The following ZFP82 variants were observed in gnomAD, a reference collection of about 807,000 sequenced individuals.
ZFP82 encodes the protein zinc finger protein 82 homolog.
ZFP82 carries 30 observed loss-of-function variants against 54.0 expected under a neutral mutation model. That is an observed-to-expected ratio of 0.56 (90% CI 0.42 to 0.75). The LOEUF is 0.75. ZFP82 is among the 30% of genes least tolerant of loss of function. The probability of loss-of-function intolerance (pLI) is 0.00; values close to 1 mark genes in which losing one functional copy is unlikely to be tolerated. For missense variants in ZFP82, 500 were observed against 636.8 expected (o/e 0.79, Z 2.31); for synonymous variants, 194 against 209.5 (o/e 0.93, Z 0.64).
At chr19:36,409,721 TA>T (rs1342245097) in intron 2 of ZFP82, 59 bp downstream of exon 2, 4 of 1,587,314 alleles carry the variant, frequency 2.5e-6, no homozygotes, top group Non-Finnish European at 2.6e-6. Context: ...AGTTTCAGAA[TA>T]AAAAAATGGT....
chr19:36,402,738 G>T (rs2032409483), intron 4 of ZFP82, among the ~76,000 whole-genome samples: 1 of 152,156 alleles, frequency 6.6e-6, no homozygotes, highest in African/African-American at 2.4e-5. Context: ...GCTCACGCCT[G>T]TAATTCCAGT....
exon 2 of ZFP82, chr19:36,383,589 A>T (rs928330730): frequency 5.7e-5 from 6 of 104,812 alleles, no homozygotes; most frequent in African/African-American, 2.4e-4. Flanking sequence ...ACAATAATTT[A>T]AAAAATAATC....
downstream of ZFP82, among the ~76,000 whole-genome samples, chr19:36,387,433 GTTCT>G (rs1051691920): frequency 2.0e-5 from 3 of 152,164 alleles, no homozygotes; most frequent in African/African-American, 4.8e-5. Context: ...ACAGGAGTGG[GTTCT>G]TTATCAAAAG....
Position 36,409,859 on chromosome 19 carries a change from G to A in ZFP82, c.-70C>T. 8 of 1,561,926 alleles carry A rather than the reference G, an allele frequency of 5.1e-6. No individual in the cohort carries two copies. Among genetic ancestry groups the A allele is most frequent in the Non-Finnish European group, 7.1e-6 (8 of 1,133,560 alleles). On this transcript the variant is annotated 5_prime_UTR_variant, in exon 2 of 5. Coordinates refer to ENST00000392161, the MANE Select transcript of ZFP82 (RefSeq NM_133466.4). ...TGCCAGGAGAAGCACCGAGTCCACA[G>A]AGGCTGATCTAGGGAGAGGAAAACA...
intron 4 of ZFP82, among the ~76,000 whole-genome samples, chr19:36,401,152 G>A (rs966586330): frequency 1.3e-5 from 2 of 150,774 alleles, no homozygotes; most frequent in African/African-American, 4.9e-5. Flanking sequence ...ACAGGGTGGA[G>A]TGACCCATGA....
chr19:36,412,749 T>C (rs986572986), intron 1 of ZFP82, among the ~76,000 whole-genome samples: 1 of 152,186 alleles, frequency 6.6e-6, no homozygotes, highest in Non-Finnish European at 1.5e-5. Flanking sequence ...ATAAAATCCA[T>C]TACCCCACAG....
At chr19:36,408,753 G>A (rs1049092917) in intron 2 of ZFP82, among the ~76,000 whole-genome samples, 5 of 151,966 alleles carry the variant, frequency 3.3e-5, no homozygotes, top group Admixed American at 2.6e-4. Flanking sequence ...AGGAGCAGAG[G>A]TTGTGGTGAG....
chr19:36,414,675 T>C lies in ZFP82; in HGVS notation c.-79+3817A>G, dbSNP rs1047871171. Among the ~76,000 whole-genome samples, 3 of 152,024 alleles carry C rather than the reference T, an allele frequency of 2.0e-5. No individual in the cohort carries two copies. In the East Asian group the frequency reaches 5.8e-4, roughly 29 times the overall value. ...CCGCACCTGGCCTATGTAATTCTTC[T>C]TAATAATGTTATCAAAAAAGGATTC... On this transcript the variant is annotated intron_variant, in intron 1 of 4. Transcript: ENST00000392161.
downstream of ZFP82, among the ~76,000 whole-genome samples, chr19:36,387,689 C>T (rs796521303): frequency 2.0e-4 from 31 of 152,348 alleles, no homozygotes; most frequent in East Asian, 5.2e-3. Context: ...GCAATCTCAG[C>T]TCACTGCAAC....
chr19:36,393,558 T>C lies in ZFP82; in HGVS notation c.782A>G (p.Lys261Arg). 1 of 1,614,174 alleles carries C rather than the reference T, an allele frequency of 6.2e-7. No individual in the cohort carries two copies. Among genetic ancestry groups the C allele is most frequent in the Non-Finnish European group, 8.5e-7 (1 of 1,180,026 alleles). ...AAGTTGTCCTCGTACCCTAAAAGCC[T>C]TCCCACATTCTTTACATTCATAGGG... ...EKPYECKECG[K>R]AFRVRGQLTL... Residue 261 changes from lysine to arginine, a missense_variant, in exon 5 of 5, where the codon AAG becomes AGG. Transcript: ENST00000392161.
At chr19:36,411,118 A>G (rs896442835) in intron 1 of ZFP82, among the ~76,000 whole-genome samples, 10 of 151,242 alleles carry the variant, frequency 6.6e-5, no homozygotes, top group African/African-American at 1.9e-4. Context: ...GCTTGGACCT[A>G]GGGGGGCGGA....
intron 1 of ZFP82, among the ~76,000 whole-genome samples, chr19:36,412,559 C>G (rs2032599080): frequency 6.6e-6 from 1 of 152,198 alleles, no homozygotes; most frequent in African/African-American, 2.4e-5. Flanking sequence ...GGCTAAACAT[C>G]TTCAATTAAT....
At chr19:36,388,241 A>G (rs1006988124), downstream of ZFP82, among the ~76,000 whole-genome samples, 3 of 152,182 alleles carry the variant, frequency 2.0e-5, no homozygotes, top group Admixed American at 1.3e-4. Flanking sequence ...TTTTTTGCGA[A>G]TGTTTGCATA....
intron 1 of ZFP82, among the ~76,000 whole-genome samples, chr19:36,410,302 T>C (rs1038156828): frequency 6.6e-6 from 1 of 152,196 alleles, no homozygotes; most frequent in South Asian, 2.1e-4. Flanking sequence ...CATTGTTTTC[T>C]GGAATGAATT....
chr19:36,416,819 T>A (rs1392911605), intron 1 of ZFP82, among the ~76,000 whole-genome samples: 2 of 150,250 alleles, frequency 1.3e-5, no homozygotes, highest in African/African-American at 4.9e-5. Flanking sequence ...ATGCCTGTCA[T>A]TCCAGCACTT....
chr19:36,409,716 C>T (rs2032544227), intron 2 of ZFP82, 65 bp downstream of exon 2: 1 of 1,574,148 alleles, frequency 6.4e-7, no homozygotes, highest in Non-Finnish European at 8.7e-7. Context: ...AAGGAAGTTT[C>T]AGAATAAAAA....
In ZFP82 at chr19:36,408,056, T is replaced by C. The variant is rs146220369; in HGVS notation, c.10-43A>G. ...ACATTATAAATGAAATGGAAGAAAA[T>C]GTATTTTAAGGTAGAAGGAGAAAAG... On this transcript the variant is annotated intron_variant, in intron 2 of 4. Transcript: ENST00000392161. 24 of 1,600,332 alleles carry C rather than the reference T, an allele frequency of 1.5e-5. No homozygotes were observed. The African/African-American group carries it at 2.1e-4, about 14-fold the overall frequency.
intron 1 of ZFP82, among the ~76,000 whole-genome samples, chr19:36,414,825 C>CTTT (rs11445531): frequency 0.038 from 5,353 of 142,392 alleles, 319 homozygotes; most frequent in African/African-American, 0.13. Context: ...ATATTAAATA[C>CTTT]TTTTTTTTTT....
At chr19:36,408,054 A>G (rs951984081) in intron 2 of ZFP82, 41 bp from the exon 3 acceptor site, 1 of 1,601,918 alleles carries the variant, frequency 6.2e-7, no homozygotes. Context: ...AATGGAAGAA[A>G]ATGTATTTTA....
Sources: allele counts gnomAD v4.1 joint callset (sites outside exome capture counted in the v4.1 genomes callset), GRCh38; gene constraint gnomAD v4.1.1; transcripts MANE v1.5; gene names NCBI Gene and HGNC (gene_info 2026-07-23, HGNC 2026-07-21).